Variants in GLOD4 observed in about 807,000 individuals in gnomAD.
The protein encoded by GLOD4 is glyoxalase domain-containing protein 4.
In GLOD4, 44 loss-of-function variants were observed where a neutral mutation model predicts 39.1. The ratio of observed to expected loss-of-function variants is 1.13; its 90% CI spans 0.88 to 1.45. The LOEUF (loss-of-function observed/expected upper bound fraction) is 1.45. Among genes scored for constraint, GLOD4 ranks in the 40% most tolerant of loss-of-function variants. The pLI is 0.00. For synonymous variants in GLOD4, 145 were observed against 135.0 expected (o/e 1.07, Z -0.52); for missense variants, 405 against 366.4 (o/e 1.11, Z -0.86).
Position 760,158 on chromosome 17 carries a change from G to C in GLOD4, c.*15C>G, listed in dbSNP as rs1009143797. 1 of 1,514,188 alleles carries C rather than the reference G, an allele frequency of 6.6e-7. No homozygotes were observed. The highest frequency in any genetic ancestry group is 1.1e-5 in the South Asian group (1 of 89,044). 93.8% of individuals were successfully genotyped at this position (1,514,188 alleles called of 1,614,324 possible). A position where few individuals can be genotyped will look rare whatever the true frequency, so the allele number is the denominator to read the frequency against. On this transcript the variant is annotated 3_prime_UTR_variant, in exon 9 of 9. Transcript: ENST00000301329. ...GGCAGGAATCACAGAGGCTTGCTCT[G>C]CATCATGTCTTCCGTTAACCTGAAG...
At chr17:785,426 A>G (rs911489015), upstream of GLOD4, among the ~76,000 whole-genome samples, 1 of 152,150 alleles carries the variant, frequency 6.6e-6, no homozygotes, top group African/African-American at 2.4e-5. Flanking sequence ...ATGTATATAT[A>G]ATTTTATCAT....
At chr17:782,560 C>T, upstream of GLOD4, 4 of 1,614,058 alleles carry the variant, frequency 2.5e-6, no homozygotes, top group Non-Finnish European at 3.4e-6. Context: ...CCCCGCAAGG[C>T]ACCATCTGAG....
intron 8 of GLOD4, among the ~76,000 whole-genome samples, chr17:768,916 T>C (rs1405758406): frequency 6.7e-6 from 1 of 149,180 alleles, no homozygotes; most frequent in African/African-American, 2.5e-5. Flanking sequence ...GCACTCAGAT[T>C]TTTAGAAGAA....
chr17:783,287 C>A (rs1188662677), upstream of GLOD4: 1 of 1,613,054 alleles, frequency 6.2e-7, no homozygotes, highest in African/African-American at 1.3e-5. Flanking sequence ...TTGAGGATAT[C>A]AAGGATTGGT....
intron 5 of GLOD4, chr17:770,914 G>A (rs1907849643): frequency 5.0e-6 from 1 of 201,490 alleles, no homozygotes; most frequent in Non-Finnish European, 1.0e-5. Context: ...CAATGCTGCA[G>A]CAGATAACCT....
At chr17:770,201 C>T in intron 6 of GLOD4, 44 bp from the exon 7 acceptor site, 1 of 1,040,188 alleles carries the variant, frequency 9.6e-7, no homozygotes, top group African/African-American at 1.6e-5. Context: ...TCACACACTA[C>T]TCAGGACACG....
intron 3 of GLOD4, 64 bp downstream of exon 3, chr17:776,804 A>G: frequency 8.3e-7 from 1 of 1,197,974 alleles, no homozygotes; most frequent in Non-Finnish European, 1.2e-6. Context: ...TTGGCACTCT[A>G]CTCAAATTTA....
upstream of GLOD4, chr17:783,349 CT>C (rs35144249): frequency 0.012 from 15,092 of 1,294,314 alleles, no homozygotes; most frequent in South Asian, 0.016. Flanking sequence ...CCCAGTGTAT[CT>C]TTTTTTTTTT....
rs148673631 is a variant in GLOD4 at position 776,602 on chromosome 17, C to T, written c.261+266G>A. On this transcript the variant is annotated intron_variant, in intron 3 of 8. Transcript: ENST00000301329. ...GCACTGCCGACCCCATCTCTTACCA[C>T]GCTCCCCTCTCGTTCTCTATTCCAG... 7.4e-4 allele frequency among the ~76,000 whole-genome samples: 113 copies of T among 152,308 alleles called. 1 individual carries two copies. In the East Asian group the frequency reaches 8.7e-3, roughly 12 times the overall value.
chr17:761,727 C>T (rs1905470175), intron 8 of GLOD4, among the ~76,000 whole-genome samples: 1 of 152,180 alleles, frequency 6.6e-6, no homozygotes, highest in Non-Finnish European at 1.5e-5. Flanking sequence ...TGGTCTGGGA[C>T]TCCTGACCTC....
upstream of GLOD4, chr17:782,775 A>G (rs1252009084): frequency 1.4e-5 from 20 of 1,399,910 alleles, no homozygotes; most frequent in Non-Finnish European, 1.6e-5. Flanking sequence ...CCGATGGAGG[A>G]CTTCTTCCAG....
rs1335845734 is a variant in GLOD4, at chr17:759,756, C to T, written c.*417G>A. On this transcript the variant is annotated 3_prime_UTR_variant, in exon 9 of 9. Coordinates refer to ENST00000301329, the MANE Select transcript of GLOD4 (RefSeq NM_016080.4). ...CAATAGAAGAGCGTATCGTCAGGCG[C>T]TGGGAATGGCACCACGACAAGGCAT... 2 of 158,524 alleles carry T rather than the reference C, an allele frequency of 1.3e-5. No individual in the cohort carries two copies. The highest frequency in any genetic ancestry group is 4.8e-5 in the African/African-American group (2 of 41,636). 9.8% of individuals were successfully genotyped at this position (158,524 alleles called of 1,614,324 possible).
At chr17:776,846 G>A in intron 3 of GLOD4, 22 bp downstream of exon 3, 1 of 1,602,894 alleles carries the variant, frequency 6.2e-7, no homozygotes, top group Non-Finnish European at 8.5e-7. Flanking sequence ...CCAAAACTCT[G>A]CTAGAAAAAA....
intron 3 of GLOD4, among the ~76,000 whole-genome samples, chr17:776,591 A>G (rs1237863198): frequency 6.6e-6 from 1 of 151,688 alleles, no homozygotes; most frequent in Non-Finnish European, 1.5e-5. Flanking sequence ...TGCCGACCCC[A>G]TCTCTTACCA....
rs1597581282 is a variant in GLOD4 at position 770,131 on chromosome 17, T to G, written c.657A>C (p.Lys219Asn). 6.2e-7 allele frequency: 1 copy of G among 1,611,244 alleles called. No individual in the cohort carries two copies. Residue 219 changes from lysine (K) to asparagine (N), a missense_variant, in exon 7 of 9, where the codon AAA (lysine) becomes AAC (asparagine). Lys to Asn is a moderately conservative substitution (Grantham distance 94). Transcript: ENST00000301329. Reference protein sequence around the residue: ...KELPDLEDLMKRENQKILTPL... With the variant: ...KELPDLEDLMNRENQKILTPL... ...GAGTCAGAATCTTCTGGTTCTCCCT[T>G]TTCATCAAGTCTTCTAAGTCTGGCA...
chr17:762,470 C>T (rs1003815901), intron 8 of GLOD4, among the ~76,000 whole-genome samples: 3 of 148,786 alleles, frequency 2.0e-5, no homozygotes, highest in African/African-American at 5.0e-5. Context: ...GGAATAATTT[C>T]ATCACCATCC....
At chr17:778,385 G>A (rs1348374223) in intron 2 of GLOD4, 2 of 452,982 alleles carry the variant, frequency 4.4e-6, no homozygotes, top group Middle Eastern at 5.3e-4. Context: ...TAACAGGACA[G>A]CCGGCTGGTG....
chr17:769,908 A>C lies in GLOD4; in HGVS notation c.792T>G (p.Leu264=), dbSNP rs1413185533. Residue 264 remains leucine, a synonymous_variant, in exon 8 of 9, where the codon CTT becomes CTG. Coordinates refer to ENST00000301329, the MANE Select transcript of GLOD4 (RefSeq NM_016080.4). ...CFVGDEAFRE[L]SKMDPEGSKL... ...TGCTTCCCTCTGGATCCATCTTAGA[A>C]AGTTCTCGAAATGCTTCATCCCCGA... 1 of 1,611,010 alleles carries C rather than the reference A, an allele frequency of 6.2e-7. No individual in the cohort carries two copies. Among genetic ancestry groups the C allele is most frequent in the Non-Finnish European group, 8.5e-7 (1 of 1,177,178 alleles).
chr17:771,945 G>A (rs540273936), intron 4 of GLOD4, among the ~76,000 whole-genome samples: 23 of 151,348 alleles, frequency 1.5e-4, no homozygotes, highest in Non-Finnish European at 2.7e-4. Context: ...CCTGGGAGGC[G>A]GAGGTTGCAG....
Sources: gnomAD v4.1 joint callset for allele counts (sites outside exome capture counted in the v4.1 genomes callset) on GRCh38, gnomAD v4.1.1 for gene constraint, MANE v1.5 for transcripts, NCBI Gene and HGNC (gene_info 2026-07-23, HGNC 2026-07-21) for gene names.